The following SEC16B variants were observed in gnomAD, a reference collection of about 807,000 sequenced individuals.
The protein encoded by SEC16B is protein transport protein Sec16B.
In SEC16B, 115 loss-of-function variants were observed where a neutral mutation model predicts 141.8. The observed-to-expected ratio is 0.81, with a 90% confidence interval of 0.70 to 0.95. The LOEUF (loss-of-function observed/expected upper bound fraction) is 0.95, where lower values mean the gene tolerates loss of function less well. SEC16B is among the 40% of genes least tolerant of loss of function. The probability of loss-of-function intolerance (pLI) is 0.00; values close to 1 mark genes in which losing one functional copy is unlikely to be tolerated. For missense variants in SEC16B, 1,291 were observed against 1,312.3 expected, an observed-to-expected ratio of 0.98 and a Z score of 0.25; for synonymous variants, 493 against 492.5, an observed-to-expected ratio of 1.00 and a Z score of -0.01.
Position 177,929,920 on chromosome 1 carries a change from C to T in SEC16B, c.3121G>A (p.Ala1041Thr), listed in dbSNP as rs373084585. Reference sequence around the variant, plus strand: ...CGATTTGGCCGATTCAGGCTAGTGGCCGTGGGCAGCTGGAAAAGAAGAACA... The same window carrying T: ...CGATTTGGCCGATTCAGGCTAGTGGTCGTGGGCAGCTGGAAAAGAAGAACA... ...NPSQVPQLPT[A>T]TSLNRPNRLA... The change falls in exon 26 of 26, where the codon GCC becomes ACC. Residue 1041 changes from alanine (A) to threonine (T), a missense_variant. Ala to Thr is a moderately conservative substitution (Grantham distance 58). Transcript: ENST00000308284. 23 of 1,613,606 alleles carry T rather than the reference C, an allele frequency of 1.4e-5. No homozygotes were observed. The highest frequency in any genetic ancestry group is 2.7e-5 in the African/African-American group (2 of 74,880).
chr1:177,938,920 G>T (rs1269261922), intron 18 of SEC16B, among the ~76,000 whole-genome samples: 1 of 152,194 alleles, frequency 6.6e-6, no homozygotes, highest in African/African-American at 2.4e-5. Context: ...TTGGTCACAG[G>T]ACTGGCATGG....
At position 177,942,027 on chromosome 1, in the gene SEC16B, AG is replaced by A; in HGVS notation, c.1894del (p.Leu632PhefsTer27). 1 of 1,613,782 alleles carries A rather than the reference AG, an allele frequency of 6.2e-7. No individual in the cohort carries two copies. Among genetic ancestry groups the A allele is most frequent in the Non-Finnish European group, 8.5e-7 (1 of 1,179,756 alleles). ...FIPSFQVYKL[L>X]YASRLADYGL... is the part of the protein sequence containing the mutation. ...ATAATCTGCCAGACGGGAAGCATAA[AG>A]GAGCTTATACACCTGTGAAGAGAAA... On this transcript the variant is annotated frameshift_variant, in exon 16 of 26. Coordinates refer to ENST00000308284, the MANE Select transcript of SEC16B (RefSeq NM_033127.4). LOFTEE classifies it high-confidence loss of function.
At position 177,932,397 on chromosome 1, in the gene SEC16B, C is replaced by T. The variant is rs571143017; in HGVS notation, c.3012+93G>A. ...ACAGCAGAGAAGCATTCTTCAGGTT[C>T]GCCAGGAGTCAGCACTGCCCACACT... On this transcript the variant is annotated intron_variant, in intron 24 of 25. Transcript: ENST00000308284. The T allele has an allele frequency of 1.2e-4, 107 of 891,330 alleles. 1 individual carries two copies. The South Asian group carries it at 1.9e-3, about 16-fold the overall frequency. The allele number at this position is 891,330 out of a possible 1,614,324, so 55.2% of individuals were successfully genotyped here.
chr1:177,958,855 AAGG>A lies in SEC16B; in HGVS notation c.1116_1118del (p.Leu373del). ...CAGAACTTACCCCATTCTGGCGACAAAGGAGAACCAAGAGCTGCCACAGTAGAG... is the reference window on the plus strand; with the variant it reads ...CAGAACTTACCCCATTCTGGCGACAAAGAACCAAGAGCTGCCACAGTAGAG... On this transcript the variant is annotated inframe_deletion, in exon 9 of 26. Transcript: ENST00000308284. 1 of 1,613,520 alleles carries A rather than the reference AAGG, an allele frequency of 6.2e-7. No homozygotes were observed. The highest frequency in any genetic ancestry group is 1.7e-5 in the Admixed American group (1 of 59,982).
chr1:177,941,283 T>C (rs1222055320), intron 16 of SEC16B, among the ~76,000 whole-genome samples: 1 of 152,186 alleles, frequency 6.6e-6, no homozygotes, highest in Non-Finnish European at 1.5e-5. Flanking sequence ...ATGGGGAGGC[T>C]CACCACCACA....
At chr1:177,933,976 G>A (rs1222032497) in intron 20 of SEC16B, among the ~76,000 whole-genome samples, 1 of 150,372 alleles carries the variant, frequency 6.7e-6, no homozygotes, top group Non-Finnish European at 1.5e-5. Context: ...ACAACCCACA[G>A]AGGCCCACAA....
intron 5 of SEC16B, 54 bp downstream of exon 5, chr1:177,964,117 T>C (rs980718320): frequency 2.2e-5 from 29 of 1,304,376 alleles, no homozygotes; most frequent in South Asian, 6.7e-5. Context: ...CTGCTGACAG[T>C]GTCAGCTGCG....
intron 11 of SEC16B, among the ~76,000 whole-genome samples, chr1:177,953,859 C>G (rs922888088): frequency 1.3e-5 from 2 of 152,146 alleles, no homozygotes; most frequent in Admixed American, 6.5e-5. Flanking sequence ...CCCACACCCC[C>G]ACCCTACTCT....
At position 177,939,740 on chromosome 1, in the gene SEC16B, G is replaced by A; in HGVS notation, c.2165C>T (p.Thr722Ile). Reference sequence around the variant, plus strand: ...TCCGGCTCCCGAAATATCTGAGCGAGTAGGATGAGGATCCCCAATGTCTCC... The same window carrying A: ...TCCGGCTCCCGAAATATCTGAGCGAATAGGATGAGGATCCCCAATGTCTCC... ...VAGDIGDPHP[T>I]RSDISGAGGT... The change falls in exon 18 of 26, where the codon ACT becomes ATT. Residue 722 changes from threonine to isoleucine, a missense_variant. Thr to Ile is a moderately conservative substitution (Grantham distance 89). Transcript: ENST00000308284. 6.3e-7 allele frequency: 1 copy of A among 1,596,302 alleles called. No homozygotes were observed.
At chr1:177,940,761 G>C in intron 16 of SEC16B, 47 bp from the exon 17 acceptor site, 1 of 1,298,910 alleles carries the variant, frequency 7.7e-7, no homozygotes, top group South Asian at 1.2e-5. Flanking sequence ...TAAGAGAGGA[G>C]AGGAGAGAGA....
chr1:177,935,264 C>A (rs547774265), intron 20 of SEC16B, among the ~76,000 whole-genome samples: 16 of 151,936 alleles, frequency 1.1e-4, no homozygotes, highest in African/African-American at 3.6e-4. Context: ...GTCTGATGTG[C>A]TGATGCCTCC....
chr1:177,981,873 T>C (rs1002562506), intron 1 of SEC16B, among the ~76,000 whole-genome samples: 1 of 152,234 alleles, frequency 6.6e-6, no homozygotes, highest in African/African-American at 2.4e-5. Context: ...GTTTATACTT[T>C]GCTTCTTTCC....
At chr1:177,931,915 T>C (rs1166023857) in intron 24 of SEC16B, among the ~76,000 whole-genome samples, 1 of 151,902 alleles carries the variant, frequency 6.6e-6, no homozygotes, top group Non-Finnish European at 1.5e-5. Flanking sequence ...CACCTCCTCC[T>C]GGGACAGGGA....
chr1:177,964,855 G>GAA (rs1302518157), intron 4 of SEC16B, among the ~76,000 whole-genome samples, 192 bp downstream of exon 4: 2 of 152,184 alleles, frequency 1.3e-5, no homozygotes, highest in African/African-American at 4.8e-5. Context: ...TCAGTGATAA[G>GAA]AACCTCCCTT....
In SEC16B at chr1:177,958,909, A is replaced by T; in HGVS notation, c.1065T>A (p.Ser355=). ...CQQKAAQSCK[S]ETLGSRDSAL... is the part of the protein sequence containing the mutation. ...CTGAGTCTCTGCTCCCCAGTGTCTC[A>T]GATTTGCAGCTCTGAGCTGCTTTCT... Residue 355 remains serine, a synonymous_variant, in exon 9 of 26, where the codon TCT becomes TCA. Coordinates refer to ENST00000308284, the MANE Select transcript of SEC16B (RefSeq NM_033127.4). 6.2e-7 allele frequency: 1 copy of T among 1,613,794 alleles called. No homozygotes were observed. Among genetic ancestry groups the T allele is most frequent in the Non-Finnish European group, 8.5e-7 (1 of 1,179,778 alleles).
At chr1:177,954,177 A>T in intron 11 of SEC16B, 102 bp downstream of exon 11, 1 of 748,648 alleles carries the variant, frequency 1.3e-6, no homozygotes, top group Non-Finnish European at 2.3e-6. Flanking sequence ...CTGGAGTGTG[A>T]GTCTCCTTAG....
intron 3 of SEC16B, 36 bp downstream of exon 3, chr1:177,965,857 C>T (rs889676382): frequency 2.2e-6 from 3 of 1,386,726 alleles, no homozygotes; most frequent in Non-Finnish European, 3.0e-6. Flanking sequence ...TGCCCCATCC[C>T]CAAATCCCAG....
intron 10 of SEC16B, among the ~76,000 whole-genome samples, chr1:177,955,103 A>C (rs1386730781): frequency 2.0e-5 from 3 of 152,144 alleles, no homozygotes; most frequent in African/African-American, 7.2e-5. Context: ...CAATAGAAAA[A>C]TGCAGAAAAT....
chr1:177,952,438 G>A (rs892310285), intron 11 of SEC16B, among the ~76,000 whole-genome samples: 16 of 152,072 alleles, frequency 1.1e-4, no homozygotes, highest in Admixed American at 1.0e-3. Context: ...ACTCAGTGCC[G>A]TTTTTCTGGC....
Sources: gnomAD v4.1 joint callset for allele counts (sites outside exome capture counted in the v4.1 genomes callset) on GRCh38, gnomAD v4.1.1 for gene constraint, MANE v1.5 for transcripts, NCBI Gene and HGNC (gene_info 2026-07-23, HGNC 2026-07-21) for gene names.